The following DAB1 variants were observed in gnomAD, a reference collection of about 807,000 sequenced individuals.
The protein encoded by DAB1 is DAB adaptor protein 1.
In DAB1, 15 loss-of-function variants were observed where a neutral mutation model predicts 64.6. The ratio of observed to expected loss-of-function variants is 0.23; its 90% confidence interval spans 0.16 to 0.36. The LOEUF is 0.36. Ranked by LOEUF, DAB1 falls within the 10% of genes least tolerant of loss-of-function variation. DAB1 has a pLI of 1.00. For missense variants in DAB1, 596 were observed against 706.7 expected (o/e 0.84, Z 1.78); for synonymous variants, 235 against 251.9 (o/e 0.93, Z 0.64).
intron 4 of DAB1, among the ~76,000 whole-genome samples, chr1:58,337,004 C>T (rs953369333): frequency 2.6e-5 from 4 of 152,036 alleles, no homozygotes; most frequent in East Asian, 1.9e-4. Flanking sequence ...AAGCAAAGGC[C>T]GGGTGCGGTG....
At chr1:57,812,976 A>G (rs560748438) in intron 6 of DAB1, among the ~76,000 whole-genome samples, 24 of 152,202 alleles carry the variant, frequency 1.6e-4, no homozygotes, top group Non-Finnish European at 3.4e-4. Flanking sequence ...ATAAAACTCA[A>G]TCTTCAAGCT....
At chr1:58,488,280 T>G (rs1249666523) in intron 3 of DAB1, among the ~76,000 whole-genome samples, 1 of 152,356 alleles carries the variant, frequency 6.6e-6, no homozygotes, top group African/African-American at 2.4e-5. Flanking sequence ...ATATTAATTT[T>G]ACTATACTAT....
chr1:58,301,304 G>A (rs1031397738), intron 4 of DAB1, among the ~76,000 whole-genome samples: 5 of 151,926 alleles, frequency 3.3e-5, no homozygotes, highest in Admixed American at 6.6e-5. Context: ...AACCCACACC[G>A]ACCGTAAAGC....
intron 2 of DAB1, among the ~76,000 whole-genome samples, chr1:57,281,011 G>T (rs1267645308): frequency 2.0e-5 from 3 of 152,122 alleles, no homozygotes; most frequent in Non-Finnish European, 2.9e-5. Flanking sequence ...TAAGTACAGG[G>T]TGCTGTGAGA....
intron 7 of DAB1, among the ~76,000 whole-genome samples, chr1:57,619,687 T>TCAGG (rs959543151): frequency 1.2e-4 from 18 of 152,090 alleles, no homozygotes; most frequent in African/African-American, 4.3e-4. Context: ...CAGACATGAG[T>TCAGG]CAGGGCCCCT....
chr1:57,800,428 G>C (rs1280490929), intron 6 of DAB1, among the ~76,000 whole-genome samples: 2 of 152,168 alleles, frequency 1.3e-5, no homozygotes, highest in Non-Finnish European at 2.9e-5. Flanking sequence ...AGCATTCTTA[G>C]TTAAAACTCA....
intron 7 of DAB1, among the ~76,000 whole-genome samples, chr1:57,604,540 A>C (rs538854155): frequency 2.6e-4 from 39 of 152,328 alleles, no homozygotes; most frequent in South Asian, 1.4e-3. Flanking sequence ...ATTTTGTAGC[A>C]GATACTTCTC....
intron 1 of DAB1, among the ~76,000 whole-genome samples, chr1:57,321,675 C>T (rs142975523): frequency 6.6e-6 from 1 of 152,100 alleles, no homozygotes; most frequent in Non-Finnish European, 1.5e-5. Flanking sequence ...CAAATCCTAG[C>T]CCTGAATCCA....
At chr1:57,571,337 CCT>C (rs1645191734) in intron 7 of DAB1, among the ~76,000 whole-genome samples, 1 of 152,088 alleles carries the variant, frequency 6.6e-6, no homozygotes, top group South Asian at 2.1e-4. Flanking sequence ...AATTCAGCCC[CCT>C]GTGTTCTCCC....
chr1:58,346,139 C>T (rs985084122), intron 3 of DAB1, among the ~76,000 whole-genome samples: 5 of 152,204 alleles, frequency 3.3e-5, no homozygotes, highest in African/African-American at 9.6e-5. Flanking sequence ...ATGATAGATA[C>T]GGCAGTCCGG....
chr1:58,357,475 C>T (rs948370197), intron 3 of DAB1, among the ~76,000 whole-genome samples: 1 of 152,114 alleles, frequency 6.6e-6, no homozygotes, highest in Non-Finnish European at 1.5e-5. Flanking sequence ...TTTGATATGA[C>T]CTGTTAACTT....
intron 4 of DAB1, among the ~76,000 whole-genome samples, chr1:58,159,441 A>G (rs1655395577): frequency 6.6e-6 from 1 of 152,210 alleles, no homozygotes; most frequent in Admixed American, 6.5e-5. Flanking sequence ...TGATGGTCAG[A>G]ATTGTGGATG....
intron 9 of DAB1, among the ~76,000 whole-genome samples, chr1:57,031,580 G>A (rs548683825): frequency 3.4e-4 from 52 of 152,280 alleles, no homozygotes; most frequent in South Asian, 2.7e-3. Context: ...TAAGTGACTC[G>A]CCTCTGATCA....
intron 3 of DAB1, among the ~76,000 whole-genome samples, chr1:58,460,222 C>G (rs2100309990): frequency 6.6e-6 from 1 of 152,260 alleles, no homozygotes; most frequent in Non-Finnish European, 1.5e-5. Flanking sequence ...AGCTCTGGGT[C>G]AGACCCAGAG....
At chr1:58,479,388 TATA>T (rs1194825539) in intron 3 of DAB1, among the ~76,000 whole-genome samples, 1 of 152,192 alleles carries the variant, frequency 6.6e-6, no homozygotes, top group Non-Finnish European at 1.5e-5. Flanking sequence ...ACAAGTAATG[TATA>T]ATAATCCCTG....
At chr1:57,465,777 G>A (rs143009660) in intron 7 of DAB1, among the ~76,000 whole-genome samples, 217 of 152,286 alleles carry the variant, frequency 1.4e-3, no homozygotes, top group Non-Finnish European at 2.1e-3. Context: ...ATGAATGAAT[G>A]AGTGAATCTT....
In DAB1 at chr1:57,322,713, T is replaced by C. The variant is rs191525355; in HGVS notation, c.-136-31547A>G. On this transcript the variant is annotated intron_variant, in intron 1 of 14. Coordinates refer to ENST00000371236, the MANE Select transcript of DAB1 (RefSeq NM_001365792.1). ...TATTAAATCTCAGCATACACAAATA[T>C]AGAAATGTTTAAGAAAGTACCTATA... Among the ~76,000 whole-genome samples the C allele has an allele frequency of 5.3e-4, 81 of 152,226 alleles. 1 individual carries two copies. Among genetic ancestry groups the C allele is most frequent in the Middle Eastern group, 3.4e-3 (1 of 294 alleles).
chr1:58,054,927 C>A (rs1030504146), intron 5 of DAB1, among the ~76,000 whole-genome samples: 3 of 152,240 alleles, frequency 2.0e-5, no homozygotes, highest in African/African-American at 2.4e-5. Context: ...CAGCCACATT[C>A]GTGAAGGCAT....
intron 1 of DAB1, among the ~76,000 whole-genome samples, chr1:57,330,480 C>T (rs1267882665): frequency 6.6e-6 from 1 of 152,166 alleles, no homozygotes; most frequent in Non-Finnish European, 1.5e-5. Context: ...TTTAATCTTA[C>T]TGAGCCTCGG....
Sources: allele counts gnomAD v4.1 joint callset (sites outside exome capture counted in the v4.1 genomes callset), GRCh38; gene constraint gnomAD v4.1.1; transcripts MANE v1.5; gene names NCBI Gene and HGNC (gene_info 2026-07-23, HGNC 2026-07-21).